EPB41L1: variants seen among roughly 807,000 people sequenced by gnomAD.
The protein encoded by EPB41L1 is band 4.1-like protein 1.
EPB41L1 carries 29 observed loss-of-function variants against 97.8 expected under a neutral mutation model. The ratio of observed to expected loss-of-function variants is 0.30; its 90% CI spans 0.22 to 0.40. The LOEUF (loss-of-function observed/expected upper bound fraction) is 0.40. Among genes scored for constraint, EPB41L1 ranks in the 10% least tolerant of loss-of-function variants. EPB41L1 has a pLI of 1.00. For missense variants in EPB41L1, 812 were observed against 1,162.3 expected (o/e 0.70, Z 4.38); for synonymous variants, 383 against 459.2 (o/e 0.83, Z 2.12).
At chr20:36,124,366 T>G (rs2058876610) in intron 2 of EPB41L1, among the ~76,000 whole-genome samples, 1 of 152,216 alleles carries the variant, frequency 6.6e-6, no homozygotes, top group Non-Finnish European at 1.5e-5. Context: ...ACCATGGCGT[T>G]CAGAGCCCTG....
At chr20:36,151,641 A>T (rs1600611247), upstream of EPB41L1, 1 of 152,220 alleles carries the variant, frequency 6.6e-6, no homozygotes, top group African/African-American at 2.4e-5. Context: ...ACTGATGCCT[A>T]TGGGGGCCAT....
intron 1 of EPB41L1, among the ~76,000 whole-genome samples, chr20:36,167,264 A>G (rs1343622375): frequency 3.3e-5 from 5 of 152,228 alleles, no homozygotes; most frequent in Non-Finnish European, 5.9e-5. Flanking sequence ...TGACAGGCTC[A>G]TGGTGATGGT....
chr20:36,181,194 C>A (rs980420682), intron 5 of EPB41L1, among the ~76,000 whole-genome samples: 1 of 152,126 alleles, frequency 6.6e-6, no homozygotes, highest in Non-Finnish European at 1.5e-5. Flanking sequence ...GGATGGGCCT[C>A]GCTTTCTCAC....
chr20:36,168,615 C>G (rs757613198), intron 1 of EPB41L1, among the ~76,000 whole-genome samples: 1 of 151,822 alleles, frequency 6.6e-6, no homozygotes, highest in Non-Finnish European at 1.5e-5. Context: ...ACTGCAACCT[C>G]CGACTCCCAG....
intron 2 of EPB41L1, among the ~76,000 whole-genome samples, chr20:36,146,456 C>T (rs1050880240): frequency 2.6e-5 from 4 of 152,222 alleles, no homozygotes; most frequent in African/African-American, 7.2e-5. Flanking sequence ...GAGGGGAGTC[C>T]GGCAGGAGCT....
At position 36,218,961 on chromosome 20, in the gene EPB41L1, C is replaced by T. The variant is rs771712736; in HGVS notation, c.2354C>T (p.Pro785Leu). The T allele has an allele frequency of 1.8e-5, 29 of 1,613,942 alleles. No homozygotes were observed. The highest frequency in any genetic ancestry group is 2.0e-5 in the Non-Finnish European group (24 of 1,179,990). Residue 785 changes from proline (P) to leucine (L), a missense_variant and splice_region_variant, in exon 18 of 22, where the codon CCG becomes CTG. Pro to Leu is a moderately conservative substitution (Grantham distance 98). Coordinates refer to ENST00000338074, the MANE Select transcript of EPB41L1 (RefSeq NM_012156.2). ...GCCACGGAAATCCGTTCTCTTTCTC[C>T]GGTAAGTGGGCAAGGCCAGCTCAGG... ...TVATEIRSLS[P>L]IIGKDVLTST...
intron 1 of EPB41L1, among the ~76,000 whole-genome samples, chr20:36,097,567 C>T (rs917647856): frequency 1.3e-5 from 2 of 152,150 alleles, no homozygotes; most frequent in African/African-American, 4.8e-5. Flanking sequence ...GAAATGAATC[C>T]AGCAGTATTC....
chr20:36,218,110 A>G (rs2063549777), intron 17 of EPB41L1, among the ~76,000 whole-genome samples: 1 of 152,198 alleles, frequency 6.6e-6, no homozygotes, highest in Non-Finnish European at 1.5e-5. Flanking sequence ...AAAGATTCCC[A>G]AGGGCAGAGT....
At position 36,212,233 on chromosome 20, in the gene EPB41L1, G is replaced by A. The variant is rs1243973557; in HGVS notation, c.2080-39G>A. ...TGTCTGTGAGCAAGGGTCATGCTAG[G>A]GTTTCAGTTACAGAGCATTCTCCCT... On this transcript the variant is annotated intron_variant, in intron 15 of 21. Transcript: ENST00000338074. This position sits in a 1 kb window ranked among gnomAD's most constrained non-coding sequence, Gnocchi z 4.8. The A allele has an allele frequency of 1.9e-6, 3 of 1,594,784 alleles. No individual in the cohort carries two copies. The highest frequency in any genetic ancestry group is 2.6e-6 in the Non-Finnish European group (3 of 1,162,674).
chr20:36,144,334 C>G (rs894384736), intron 2 of EPB41L1, among the ~76,000 whole-genome samples: 3 of 152,152 alleles, frequency 2.0e-5, no homozygotes, highest in Admixed American at 6.5e-5. Context: ...GTTCCTTGAG[C>G]CAGGGTCTAG....
intron 2 of EPB41L1, among the ~76,000 whole-genome samples, chr20:36,140,261 A>G (rs1211998564): frequency 7.7e-6 from 1 of 129,568 alleles, no homozygotes; most frequent in Non-Finnish European, 1.6e-5. Context: ...AGTAGGGATG[A>G]GGTTTCGCCA....
At chr20:36,172,375 G>T (rs1032102416) in intron 1 of EPB41L1, among the ~76,000 whole-genome samples, 2 of 152,170 alleles carry the variant, frequency 1.3e-5, no homozygotes, top group African/African-American at 4.8e-5. Context: ...CACTGCTCCC[G>T]GCTTATGTAT....
upstream of EPB41L1, chr20:36,150,785 G>A (rs2060020695): frequency 6.6e-6 from 1 of 152,260 alleles, no homozygotes; most frequent in African/African-American, 2.4e-5. Flanking sequence ...ATGTGCTGGG[G>A]TACGTGCCTC....
chr20:36,219,844 A>T lies in EPB41L1; in HGVS notation c.2439A>T (p.Lys813Asn). Residue 813 changes from lysine (K) to asparagine (N), a missense_variant and splice_region_variant, in exon 19 of 22, where the codon AAA (lysine) becomes AAT (asparagine). Transcript: ENST00000338074. ...LSTSTTTHVT[K>N]TVKGGFSETR... The stretch of plus-strand genomic sequence containing the variant: ...CCTCCACCACCACCCATGTCACCAA[A>T]GTGAGTAGCAGCAGGGCGCCCCATG... 1 of 1,614,140 alleles carries T rather than the reference A, an allele frequency of 6.2e-7. No homozygotes were observed. The highest frequency in any genetic ancestry group is 8.5e-7 in the Non-Finnish European group (1 of 1,179,966).
chr20:36,195,373 T>C lies in EPB41L1; in HGVS notation c.1485+9T>C. Reference sequence around the variant, plus strand: ...CGAGACACAAGCAGGAGGTACTGCATGGGACCTGTCCCTCCCTACCCAGCC... The same window carrying C: ...CGAGACACAAGCAGGAGGTACTGCACGGGACCTGTCCCTCCCTACCCAGCC... On this transcript the variant is annotated intron_variant, in intron 13 of 21. Coordinates refer to ENST00000338074, the MANE Select transcript of EPB41L1 (RefSeq NM_012156.2). The surrounding 1 kb of genome is among the most constrained non-coding windows in gnomAD (Gnocchi z 4.6). 1.2e-6 allele frequency: 2 copies of C among 1,613,982 alleles called. No individual in the cohort carries two copies. Among genetic ancestry groups the C allele is most frequent in the Non-Finnish European group, 1.7e-6 (2 of 1,179,942 alleles).
At chr20:36,102,136 G>A (rs556824804) in intron 1 of EPB41L1, among the ~76,000 whole-genome samples, 35 of 152,112 alleles carry the variant, frequency 2.3e-4, no homozygotes, top group Admixed American at 3.3e-4. Flanking sequence ...CGTCAGATCC[G>A]AGGTAGGGCC....
chr20:36,210,926 C>T (rs2146827524), intron 15 of EPB41L1, among the ~76,000 whole-genome samples: 1 of 152,272 alleles, frequency 6.6e-6, no homozygotes, highest in African/African-American at 2.4e-5. Flanking sequence ...TTCAGCCAGG[C>T]ACAGTGGCTT....
At chr20:36,221,784 G>A (rs2063795234) in intron 19 of EPB41L1, 80 bp from the exon 20 acceptor site, 2 of 1,204,494 alleles carry the variant, frequency 1.7e-6, no homozygotes, top group Non-Finnish European at 2.5e-6. Context: ...GCCCTCGAGA[G>A]ATGATTTGGG....
Position 36,206,474 on chromosome 20 carries a change from AT to A in EPB41L1, c.1669-3011del, listed in dbSNP as rs2146723043. 1 of 1,289,888 alleles carries A rather than the reference AT, an allele frequency of 7.8e-7. No individual in the cohort carries two copies. Among genetic ancestry groups the A allele is most frequent in the Non-Finnish European group, 1.0e-6 (1 of 988,888 alleles). 79.9% of individuals were successfully genotyped at this position (1,289,888 alleles called of 1,614,324 possible). On this transcript the variant is annotated intron_variant, in intron 14 of 21. Coordinates refer to ENST00000338074, the MANE Select transcript of EPB41L1 (RefSeq NM_012156.2). This position sits in a 1 kb window ranked among gnomAD's most constrained non-coding sequence, Gnocchi z 5.5. The stretch of plus-strand genomic sequence containing the variant: ...ACTTCCTTTGCAGAGAGGAGCTTCT[AT>A]TTAAATTATGAAGAAAAAGACTCAG...
Sources: allele counts gnomAD v4.1 joint callset (sites outside exome capture counted in the v4.1 genomes callset), GRCh38; gene constraint gnomAD v4.1.1; non-coding constraint Gnocchi (gnomAD v3.1); transcripts MANE v1.5; gene names NCBI Gene and HGNC (gene_info 2026-07-23, HGNC 2026-07-21).